The following MMP9 variants were observed in gnomAD, a reference collection of about 807,000 sequenced individuals.
MMP9 encodes matrix metallopeptidase 9.
Under a neutral mutation model 76.4 loss-of-function variants are expected in MMP9, and 73 were observed. The ratio of observed to expected loss-of-function variants is 0.96; its 90% CI spans 0.79 to 1.16. The LOEUF is 1.16. Ranked by LOEUF, MMP9 falls within the 50% of genes most tolerant of loss-of-function variation. The probability of loss-of-function intolerance (pLI) is 0.00; values close to 1 mark genes in which losing one functional copy is unlikely to be tolerated. For synonymous variants in MMP9, 412 were observed against 408.4 expected (o/e 1.01, Z -0.11); for missense variants, 943 against 973.0 (o/e 0.97, Z 0.41).
In MMP9 at chr20:46,014,690, A is replaced by G. The variant is rs141671428; in HGVS notation, c.2005+216A>G. 4.8e-4 allele frequency: 296 copies of G among 614,660 alleles called. No individual in the cohort carries two copies. In the African/African-American group the frequency reaches 5.2e-3, roughly 11 times the overall value. 38.1% of individuals were successfully genotyped at this position (614,660 alleles called of 1,614,324 possible). Reference sequence around the variant, plus strand: ...CCAGATTTCCTGCCTCCCCGGCTGGAAGCTCTTTCTCCTTCAGTACAGGAC... The same window carrying G: ...CCAGATTTCCTGCCTCCCCGGCTGGGAGCTCTTTCTCCTTCAGTACAGGAC... On this transcript the variant is annotated intron_variant, in intron 12 of 12. Coordinates refer to ENST00000372330, the MANE Select transcript of MMP9 (RefSeq NM_004994.3).
rs1437583091 is a variant in MMP9, at chr20:46,013,561, G to C, written c.1610+27G>C. The stretch of plus-strand genomic sequence containing the variant: ...TGAGGAGGCGGGGTTGTGTGGATGC[G>C]GGAGGGGGCTTTGCGGAGGGGCTGC... On this transcript the variant is annotated intron_variant, in intron 9 of 12. Coordinates refer to ENST00000372330, the MANE Select transcript of MMP9 (RefSeq NM_004994.3). The surrounding 1 kb of genome is among the most constrained non-coding windows in gnomAD (Gnocchi z 4.5). The C allele has an allele frequency of 6.2e-7, 1 of 1,612,136 alleles. No individual in the cohort carries two copies. The highest frequency in any genetic ancestry group is 2.2e-5 in the East Asian group (1 of 44,816).
Position 46,011,035 on chromosome 20 carries a change from C to T in MMP9, c.634C>T (p.Leu212=), listed in dbSNP as rs201775419. Residue 212 remains leucine, a synonymous_variant, in exon 4 of 13, where the codon CTG becomes TTG. Coordinates refer to ENST00000372330, the MANE Select transcript of MMP9 (RefSeq NM_004994.3). ...AHFDDDELWS[L]GKGVVVPTRF... ...TTTCGACGATGACGAGTTGTGGTCC[C>T]TGGGCAAGGGCGTCGGTGAGATTCT... The T allele has an allele frequency of 3.7e-6, 6 of 1,610,446 alleles. No homozygotes were observed. Among genetic ancestry groups the T allele is most frequent in the Non-Finnish European group, 5.1e-6 (6 of 1,177,728 alleles).
rs2084295152 is a variant in MMP9, at chr20:46,013,172, C to A, written c.1331-83C>A. On this transcript the variant is annotated intron_variant, in intron 8 of 12. Coordinates refer to ENST00000372330, the MANE Select transcript of MMP9 (RefSeq NM_004994.3). This position sits in a 1 kb window ranked among gnomAD's most constrained non-coding sequence, Gnocchi z 4.5. The stretch of plus-strand genomic sequence containing the variant: ...GGCCTGTGTGCCAGAGGAGGCTTCA[C>A]TGAGAAGCTTAGGGGAGCAGATGTT... 6.4e-7 allele frequency: 1 copy of A among 1,555,110 alleles called. No individual in the cohort carries two copies. The highest frequency in any genetic ancestry group is 8.9e-7 in the Non-Finnish European group (1 of 1,127,754).
intron 12 of MMP9, among the ~76,000 whole-genome samples, chr20:46,015,642 G>A (rs1269546490): frequency 4.6e-5 from 7 of 151,764 alleles, no homozygotes; most frequent in Non-Finnish European, 8.8e-5. Context: ...TAGTAGAGAC[G>A]GGGTTTCACC....
At chr20:46,014,529 A>T in intron 12 of MMP9, 55 bp downstream of exon 12, 4 of 1,465,098 alleles carry the variant, frequency 2.7e-6, no homozygotes, top group Non-Finnish European at 3.7e-6. Flanking sequence ...CCTCTTAGTG[A>T]GTGGTCAAAT....
intron 8 of MMP9, among the ~76,000 whole-genome samples, chr20:46,012,992 GAGGTGGGAGGATCTCTTGAGCCC>G (rs982456325): frequency 6.6e-6 from 1 of 152,174 alleles, no homozygotes; most frequent in Non-Finnish European, 1.5e-5. Flanking sequence ...TCTGGAGGCT[GAGGTGGGAGGATCTCTTGAGCCC>G]AGGAGTTCGA....
intron 3 of MMP9, 67 bp from the exon 4 acceptor site, chr20:46,010,855 C>T (rs1041610201): frequency 2.4e-5 from 39 of 1,613,486 alleles, no homozygotes; most frequent in Non-Finnish European, 2.8e-5. Flanking sequence ...GAGCCCTTGC[C>T]TTGGGCAGCG....
In MMP9 at chr20:46,013,591, C is replaced by T. The variant is rs994304932; in HGVS notation, c.1610+57C>T. On this transcript the variant is annotated intron_variant, in intron 9 of 12. Coordinates refer to ENST00000372330, the MANE Select transcript of MMP9 (RefSeq NM_004994.3). The surrounding 1 kb of genome is among the most constrained non-coding windows in gnomAD (Gnocchi z 4.5). ...GGGGCTTTGCGGAGGGGCTGCCCGT[C>T]CCTTCCCGCCCACTGGCCCTGTGTC... 22 of 1,611,452 alleles carry T rather than the reference C, an allele frequency of 1.4e-5. No homozygotes were observed. The African/African-American group carries it at 2.3e-4, about 17-fold the overall frequency.
chr20:46,010,232 C>A, intron 2 of MMP9, 134 bp downstream of exon 2: 1 of 904,474 alleles, frequency 1.1e-6, no homozygotes, highest in African/African-American at 1.7e-5. Flanking sequence ...GGGGAGTGTC[C>A]CCACCTCTGA....
rs777794038 is a variant in MMP9, at chr20:46,012,266, C to T, written c.1127C>T (p.Thr376Ile). 6 of 1,614,036 alleles carry T rather than the reference C, an allele frequency of 3.7e-6. No individual in the cohort carries two copies. The highest frequency in any genetic ancestry group is 3.3e-5 in the South Asian group (3 of 91,088). The change falls in exon 7 of 13, where the codon ACC becomes ATC. Residue 376 changes from threonine to isoleucine, a missense_variant. Thr to Ile is a moderately conservative substitution (Grantham distance 89). Coordinates refer to ENST00000372330, the MANE Select transcript of MMP9 (RefSeq NM_004994.3). ...RGDGRLWCAT[T>I]SNFDSDKKWG... ...GATGGGCGCCTCTGGTGCGCTACCA[C>T]CTCGAACTTTGACAGCGACAAGAAG...
At position 46,014,216 on chromosome 20, in the gene MMP9, G is replaced by A. The variant is rs573936612; in HGVS notation, c.1843G>A (p.Gly615Arg). The stretch of plus-strand genomic sequence containing the variant: ...GGGAGCCGACGTGGCCCAGGTGACC[G>A]GGGCCCTCCGGAGTGGCAGGGGGAA... ...GLGADVAQVT[G>R]ALRSGRGKML... Residue 615 changes from glycine (G) to arginine (R), a missense_variant, in exon 11 of 13, where the codon GGG becomes AGG. By Grantham distance (125) the Gly-to-Arg change is moderately radical. Coordinates refer to ENST00000372330, the MANE Select transcript of MMP9 (RefSeq NM_004994.3). The A allele has an allele frequency of 2.6e-6, 4 of 1,537,180 alleles. No individual in the cohort carries two copies. Among genetic ancestry groups the A allele is most frequent in the Non-Finnish European group, 3.5e-6 (4 of 1,143,790 alleles).
At chr20:46,012,735 G>T (rs2084291465) in intron 8 of MMP9, among the ~76,000 whole-genome samples, 153 bp downstream of exon 8, 1 of 152,146 alleles carries the variant, frequency 6.6e-6, no homozygotes, top group African/African-American at 2.4e-5. Flanking sequence ...GGGCCCAGTC[G>T]CTGCCATGTC....
rs150464774 is a variant in MMP9 at position 46,010,738 on chromosome 20, C to A, written c.520+107C>A. 6.7e-5 allele frequency: 104 copies of A among 1,541,536 alleles called. No homozygotes were observed. The East Asian group carries it at 2.4e-3, about 35-fold the overall frequency. On this transcript the variant is annotated intron_variant, in intron 3 of 12. Transcript: ENST00000372330. ...TGGCCCCGGCTTCCTCTTGCCTGCC[C>A]GCGCTGCCCTGGCTTATACGGCCCC...
At chr20:46,014,763 G>A (rs1267410432) in intron 12 of MMP9, 7 of 501,880 alleles carry the variant, frequency 1.4e-5, no homozygotes, top group Non-Finnish European at 3.6e-6. Flanking sequence ...CAGTCATCAA[G>A]TGCCGATAAT....
chr20:46,012,297 C>T lies in MMP9; in HGVS notation c.1158C>T (p.Gly386=). The T allele has an allele frequency of 6.2e-7, 1 of 1,613,530 alleles. No homozygotes were observed. The highest frequency in any genetic ancestry group is 1.1e-5 in the South Asian group (1 of 91,086). ...ACTTTGACAGCGACAAGAAGTGGGG[C>T]TTCTGCCCGGACCAAGGTAGGCGTG... The part of the protein sequence containing the change: ...TSNFDSDKKW[G]FCPDQGYSLF... Residue 386 remains glycine (G), a synonymous_variant, in exon 7 of 13, where the codon GGC becomes GGT. Coordinates refer to ENST00000372330, the MANE Select transcript of MMP9 (RefSeq NM_004994.3).
In MMP9 at chr20:46,014,321, G is replaced by A. The variant is rs942746034; in HGVS notation, c.1901+47G>A. 18 of 1,539,492 alleles carry A rather than the reference G, an allele frequency of 1.2e-5. No individual in the cohort carries two copies. The African/African-American group carries it at 2.3e-4, about 20-fold the overall frequency. On this transcript the variant is annotated intron_variant, in intron 11 of 12. Coordinates refer to ENST00000372330, the MANE Select transcript of MMP9 (RefSeq NM_004994.3). ...GGCAGGGGGAGCCCGGGCGCCGTCGGTCCGTCCGCTAGCCGGCTCAGCACC... is the reference window on the plus strand; with the variant it reads ...GGCAGGGGGAGCCCGGGCGCCGTCGATCCGTCCGCTAGCCGGCTCAGCACC...
Position 46,013,517 on chromosome 20 carries a change from G to GT in MMP9, c.1594dup (p.Tyr532LeufsTer13). On this transcript the variant is annotated frameshift_variant, in exon 9 of 13. Transcript: ENST00000372330. LOFTEE classifies it high-confidence loss of function. The surrounding 1 kb of genome is among the most constrained non-coding windows in gnomAD (Gnocchi z 4.5). Reference sequence around the variant, plus strand: ...CCATCGCGGAGATTGGGAACCAGCTGTATTTGTTCAAGGATGGGTGAGGAG... The same window carrying GT: ...CCATCGCGGAGATTGGGAACCAGCTGTTATTTGTTCAAGGATGGGTGAGGAG... The GT allele has an allele frequency of 6.2e-7, 1 of 1,614,100 alleles. No individual in the cohort carries two copies. The highest frequency in any genetic ancestry group is 8.5e-7 in the Non-Finnish European group (1 of 1,180,004).
Position 46,012,536 on chromosome 20 carries a change from G to GC in MMP9, c.1290dup (p.His432AlafsTer2), listed in dbSNP as rs768099775. ...ACCCTATGTACCGCTTCACTGAGGG[G>GC]CCCCCCTTGCATAAGGACGACGTGA... On this transcript the variant is annotated frameshift_variant, in exon 8 of 13. Coordinates refer to ENST00000372330, the MANE Select transcript of MMP9 (RefSeq NM_004994.3). LOFTEE classifies it high-confidence loss of function. 4.3e-6 allele frequency: 7 copies of GC among 1,614,004 alleles called. No homozygotes were observed. The highest frequency in any genetic ancestry group is 2.2e-5 in the East Asian group (1 of 44,884).
Position 46,011,044 on chromosome 20 carries a change from G to A in MMP9, c.643G>A (p.Gly215Ser). 1 of 1,610,216 alleles carries A rather than the reference G, an allele frequency of 6.2e-7. No homozygotes were observed. Among genetic ancestry groups the A allele is most frequent in the Non-Finnish European group, 8.5e-7 (1 of 1,177,698 alleles). Residue 215 changes from glycine (G) to serine (S), a missense_variant, in exon 4 of 13, where the codon GGC becomes AGC. Gly to Ser is a moderately conservative substitution (Grantham distance 56, BLOSUM62 0). Transcript: ENST00000372330. ...DDDELWSLGK[G>S]VVVPTRFGNA... ...TGACGAGTTGTGGTCCCTGGGCAAG[G>A]GCGTCGGTGAGATTCTGAGTCCTCC...
Sources: allele counts gnomAD v4.1 joint callset (sites outside exome capture counted in the v4.1 genomes callset), GRCh38; gene constraint gnomAD v4.1.1; non-coding constraint Gnocchi (gnomAD v3.1); transcripts MANE v1.5; gene names NCBI Gene and HGNC (gene_info 2026-07-23, HGNC 2026-07-21).